WWOX: variants seen among roughly 807,000 people sequenced by gnomAD.
The protein encoded by WWOX is WW domain containing oxidoreductase.
WWOX carries 69 observed loss-of-function variants against 46.2 expected under a neutral mutation model. The observed-to-expected ratio is 1.49, with a 90% confidence interval of 1.23 to 1.82. The LOEUF (loss-of-function observed/expected upper bound fraction) is 1.82. Among genes scored for constraint, WWOX ranks in the 40% most tolerant of loss-of-function variants. The pLI is 0.00. For synonymous variants in WWOX, 359 were observed against 202.6 expected (o/e 1.77, Z -6.56); for missense variants, 919 against 542.6 (o/e 1.69, Z -6.89).
At chr16:78,411,014 A>T (rs1056190474) in intron 6 of WWOX, among the ~76,000 whole-genome samples, 1 of 152,142 alleles carries the variant, frequency 6.6e-6, no homozygotes, top group African/African-American at 2.4e-5. Flanking sequence ...ATAACACAGC[A>T]GTTAGCTTCC....
chr16:78,966,617 A>T (rs926832670), intron 8 of WWOX, among the ~76,000 whole-genome samples: 1 of 152,168 alleles, frequency 6.6e-6, no homozygotes, highest in Admixed American at 6.5e-5. Flanking sequence ...TTGAATCAAT[A>T]AATATAGTAT....
At chr16:78,495,604 G>T (rs2084897870) in intron 8 of WWOX, among the ~76,000 whole-genome samples, 1 of 150,894 alleles carries the variant, frequency 6.6e-6, no homozygotes, top group African/African-American at 2.4e-5. Context: ...CACCTCCTGG[G>T]TTCAAGTGAC....
intron 8 of WWOX, among the ~76,000 whole-genome samples, chr16:79,137,546 G>A (rs539419658): frequency 6.6e-6 from 1 of 152,264 alleles, no homozygotes; most frequent in East Asian, 1.9e-4. Context: ...CCGAGGCAAC[G>A]TTGTGGAATT....
intron 8 of WWOX, among the ~76,000 whole-genome samples, chr16:78,612,243 C>T (rs2045918289): frequency 6.6e-6 from 1 of 152,186 alleles, no homozygotes; most frequent in African/African-American, 2.4e-5. Context: ...AAAGCAATTG[C>T]AAGGGCCCTT....
intron 8 of WWOX, among the ~76,000 whole-genome samples, chr16:79,183,862 C>G (rs1472503004): frequency 1.3e-5 from 2 of 152,200 alleles, no homozygotes; most frequent in East Asian, 1.9e-4. Context: ...CACACTAACA[C>G]TGTCACTCAG....
At chr16:79,084,917 C>T (rs1000471608) in intron 8 of WWOX, among the ~76,000 whole-genome samples, 1 of 152,020 alleles carries the variant, frequency 6.6e-6, no homozygotes, top group South Asian at 2.1e-4. Context: ...ACAGTTATTA[C>T]AAAGATGATA....
intron 8 of WWOX, among the ~76,000 whole-genome samples, chr16:78,453,785 G>T (rs76860046): frequency 2.6e-5 from 4 of 152,082 alleles, no homozygotes; most frequent in Admixed American, 2.0e-4. Context: ...TAAACAGTGC[G>T]AAGATAGTTA....
At chr16:78,458,552 T>C (rs569377276) in intron 8 of WWOX, among the ~76,000 whole-genome samples, 128 of 152,284 alleles carry the variant, frequency 8.4e-4, no homozygotes, top group African/African-American at 3.0e-3. Context: ...CAAGCCACCA[T>C]GTCAGGCCAT....
chr16:78,464,338 GAA>G (rs2084023021), intron 8 of WWOX, among the ~76,000 whole-genome samples: 1 of 146,110 alleles, frequency 6.8e-6, no homozygotes, highest in Non-Finnish European at 1.5e-5. Flanking sequence ...AGGAAGGAAA[GAA>G]GAGAGAGAAG....
chr16:78,359,752 G>A (rs1388105881), intron 5 of WWOX, among the ~76,000 whole-genome samples: 1 of 152,010 alleles, frequency 6.6e-6, no homozygotes, highest in African/African-American at 2.4e-5. Context: ...AAGCCCTGAT[G>A]TTGAGAAGCT....
At chr16:79,002,891 G>A (rs929501809) in intron 8 of WWOX, among the ~76,000 whole-genome samples, 1 of 152,128 alleles carries the variant, frequency 6.6e-6, no homozygotes, top group Non-Finnish European at 1.5e-5. Flanking sequence ...ACATGTCAAG[G>A]GAGACTGCCT....
chr16:78,147,698 A>ATTTTT (rs2034254795), intron 4 of WWOX, among the ~76,000 whole-genome samples: 7 of 51,656 alleles, frequency 1.4e-4, no homozygotes, highest in African/African-American at 4.9e-4. Flanking sequence ...TTTTTTTTTA[A>ATTTTT]AAAAAAAAAA....
intron 8 of WWOX, among the ~76,000 whole-genome samples, chr16:78,639,757 G>T (rs1163313590): frequency 6.6e-6 from 1 of 152,052 alleles, no homozygotes; most frequent in East Asian, 1.9e-4. Context: ...GTAGAGACAG[G>T]GTTTCACCAT....
chr16:78,826,210 C>A (rs371698077), intron 8 of WWOX, among the ~76,000 whole-genome samples: 2 of 152,148 alleles, frequency 1.3e-5, no homozygotes, highest in Non-Finnish European at 1.5e-5. Context: ...CAAAGATTAG[C>A]CTGGCGTGCC....
At chr16:78,842,960 G>T (rs771149579) in intron 8 of WWOX, among the ~76,000 whole-genome samples, 1 of 150,154 alleles carries the variant, frequency 6.7e-6, no homozygotes, top group African/African-American at 2.4e-5. Flanking sequence ...AAAAATGCAC[G>T]CACCCACAGG....
chr16:78,213,786 C>G (rs1490637310), intron 5 of WWOX, among the ~76,000 whole-genome samples: 1 of 152,094 alleles, frequency 6.6e-6, no homozygotes, highest in Non-Finnish European at 1.5e-5. Context: ...TAGGTGACAA[C>G]CTGCTTGGCT....
intron 4 of WWOX, among the ~76,000 whole-genome samples, chr16:78,132,457 A>C (rs2033637270): frequency 6.6e-6 from 1 of 152,230 alleles, no homozygotes; most frequent in South Asian, 2.1e-4. Flanking sequence ...TCTGTGGTCA[A>C]GTTTAATTGC....
At chr16:78,116,512 C>G (rs1348669241) in intron 4 of WWOX, among the ~76,000 whole-genome samples, 1 of 152,060 alleles carries the variant, frequency 6.6e-6, no homozygotes, top group East Asian at 1.9e-4. Context: ...GATTTTATTT[C>G]AAATCAACTC....
chr16:78,123,440 G>GTTTTTTGTTTTTTTTTT (rs2033202143), intron 4 of WWOX: 4 of 50,478 alleles, frequency 7.9e-5, no homozygotes, highest in African/African-American at 3.4e-4. Context: ...TTTTTGTTTT[G>GTTTTTTGTTTTTTTTTT]TTTTTTTTTT....
Sources: gnomAD v4.1 joint callset for allele counts (sites outside exome capture counted in the v4.1 genomes callset) on GRCh38, gnomAD v4.1.1 for gene constraint, MANE v1.5 for transcripts, NCBI Gene and HGNC (gene_info 2026-07-23, HGNC 2026-07-21) for gene names.